PHF14: variants seen among roughly 807,000 people sequenced by gnomAD.
The protein encoded by PHF14 is PHD finger protein 14.
A neutral mutation model predicts 117.9 loss-of-function variants in PHF14; 55 were observed. That is an observed-to-expected ratio of 0.47 (90% CI 0.38 to 0.58). The LOEUF is 0.58. Among genes scored for constraint, PHF14 ranks in the 20% least tolerant of loss-of-function variants. PHF14 has a pLI of 0.00. For missense variants in PHF14, 978 were observed against 1,122.2 expected, an observed-to-expected ratio of 0.87 and a Z score of 1.84; for synonymous variants, 409 against 368.6, an observed-to-expected ratio of 1.11 and a Z score of -1.26.
intron 4 of PHF14, among the ~76,000 whole-genome samples, chr7:11,009,163 C>T (rs1182649556): frequency 6.6e-6 from 1 of 151,458 alleles, no homozygotes; most frequent in African/African-American, 2.4e-5. Context: ...TTATATATAC[C>T]GAAATATAAT....
At chr7:11,105,389 C>A (rs1460353806) in intron 16 of PHF14, 7 of 955,832 alleles carry the variant, frequency 7.3e-6, no homozygotes, top group Non-Finnish European at 8.7e-6. Flanking sequence ...TGGTTTTAAA[C>A]AAAGTTACTT....
chr7:11,157,756 A>G (rs1233619772), intron 17 of PHF14, among the ~76,000 whole-genome samples: 1 of 152,228 alleles, frequency 6.6e-6, no homozygotes, highest in Admixed American at 6.5e-5. Context: ...TGACTGTATG[A>G]TTCTACTAGC....
Position 11,078,517 on chromosome 7 carries a change from T to G in PHF14, c.2654+16432T>G, listed in dbSNP as rs535779314. Among the ~76,000 whole-genome samples the G allele has an allele frequency of 8.5e-4, 130 of 152,290 alleles. 4 individuals carry two copies. The South Asian group carries it at 0.026, about 30-fold the overall frequency. ...TTCATAGAATGAGCAATGCATTAGA[T>G]TGATTTAAAAATCCCTTTTAATTTT... On this transcript the variant is annotated intron_variant, in intron 16 of 17. Transcript: ENST00000634607.
At chr7:11,003,946 A>G (rs113572603) in intron 4 of PHF14, among the ~76,000 whole-genome samples, 20 of 152,228 alleles carry the variant, frequency 1.3e-4, no homozygotes, top group African/African-American at 4.6e-4. Context: ...CAGTAGAAAT[A>G]AGCTAAGAAA....
intron 16 of PHF14, among the ~76,000 whole-genome samples, chr7:11,088,695 G>A (rs1786518639): frequency 1.3e-5 from 2 of 151,960 alleles, no homozygotes; most frequent in East Asian, 3.9e-4. Context: ...AATATAAAAA[G>A]ACATTTATAG....
intron 4 of PHF14, among the ~76,000 whole-genome samples, chr7:10,993,166 G>C (rs1377903032): frequency 6.6e-6 from 1 of 151,600 alleles, no homozygotes; most frequent in African/African-American, 2.4e-5. Flanking sequence ...TGGTTGAGAG[G>C]GTGTCTTTCT....
chr7:11,102,303 A>T (rs1413996203), intron 16 of PHF14, among the ~76,000 whole-genome samples: 1 of 151,846 alleles, frequency 6.6e-6, no homozygotes, highest in Non-Finnish European at 1.5e-5. Flanking sequence ...AAAATAGTTC[A>T]ATTTTAACCA....
Position 10,974,168 on chromosome 7 carries a change from A to G in PHF14, c.-156A>G. The G allele has an allele frequency of 3.1e-6, 2 of 642,258 alleles. No individual in the cohort carries two copies. Among genetic ancestry groups the G allele is most frequent in the Non-Finnish European group, 5.6e-6 (2 of 358,262 alleles). 39.8% of individuals were successfully genotyped at this position (642,258 alleles called of 1,614,324 possible). ...CGGGGGGTTAGGGGACCGCGGGGCT[A>G]CTCTTGGGAGCGCCCCTGTCCGGCT... is the stretch of plus-strand genomic sequence containing the variant. On this transcript the variant is annotated 5_prime_UTR_variant, in exon 1 of 18. Coordinates refer to ENST00000634607, the MANE Select transcript of PHF14 (RefSeq NM_001007157.2).
intron 16 of PHF14, chr7:11,104,263 C>T (rs1787183511): frequency 1.9e-5 from 19 of 984,482 alleles, no homozygotes; most frequent in Non-Finnish European, 2.3e-5. Context: ...ACATTTGGTG[C>T]TAGTCCTAAG....
intron 16 of PHF14, among the ~76,000 whole-genome samples, chr7:11,078,754 G>T (rs1785963534): frequency 6.6e-6 from 1 of 151,872 alleles, no homozygotes; most frequent in African/African-American, 2.4e-5. Flanking sequence ...AAAAACATGG[G>T]AATTAATTAT....
At chr7:11,053,185 C>T (rs1333861103) in intron 14 of PHF14, among the ~76,000 whole-genome samples, 7 of 151,986 alleles carry the variant, frequency 4.6e-5, no homozygotes, top group African/African-American at 1.7e-4. Flanking sequence ...TCTCAAAAAA[C>T]ATTTTCTTAA....
chr7:10,990,545 C>T (rs1354442907), intron 3 of PHF14, among the ~76,000 whole-genome samples, 158 bp from the exon 4 acceptor site: 1 of 151,878 alleles, frequency 6.6e-6, no homozygotes, highest in Non-Finnish European at 1.5e-5. Context: ...ATATATTTCT[C>T]AAATATAATG....
At chr7:11,017,614 C>T (rs1783577544) in intron 5 of PHF14, among the ~76,000 whole-genome samples, 1 of 151,756 alleles carries the variant, frequency 6.6e-6, no homozygotes, top group Non-Finnish European at 1.5e-5. Context: ...AGATTTTTTC[C>T]TGTGGAGTTA....
intron 12 of PHF14, 107 bp downstream of exon 12, chr7:11,040,882 C>T (rs1363957118): frequency 1.9e-6 from 1 of 519,734 alleles, no homozygotes; most frequent in Non-Finnish European, 3.3e-6. Context: ...TATGTCCATA[C>T]CAGAATTTAA....
At chr7:11,132,759 A>G (rs1436682988) in intron 17 of PHF14, among the ~76,000 whole-genome samples, 1 of 151,718 alleles carries the variant, frequency 6.6e-6, no homozygotes, top group Non-Finnish European at 1.5e-5. Context: ...CCCCTCACCA[A>G]CATTTGTTAT....
Position 10,983,050 on chromosome 7 carries a change from G to T in PHF14, c.791G>T (p.Ser264Ile). 6.3e-7 allele frequency: 1 copy of T among 1,595,784 alleles called. No homozygotes were observed. The highest frequency in any genetic ancestry group is 2.2e-5 in the East Asian group (1 of 44,752). The change falls in exon 3 of 18, where the codon AGT becomes ATT. Residue 264 changes from serine to isoleucine, a missense_variant. Transcript: ENST00000634607. Reference sequence around the variant, plus strand: ...GATGAAGATCATAGTAGCCCTGCCAGTGAAGGGGGTTGCAAGAAGAAGAAG... The same window carrying T: ...GATGAAGATCATAGTAGCCCTGCCATTGAAGGGGGTTGCAAGAAGAAGAAG... ...GNDEDHSSPA[S>I]EGGCKKKKSK...
At chr7:11,021,252 C>CAT (rs767519963) in intron 5 of PHF14, among the ~76,000 whole-genome samples, 3 of 152,048 alleles carry the variant, frequency 2.0e-5, no homozygotes, top group Non-Finnish European at 4.4e-5. Flanking sequence ...CAGCATCTGT[C>CAT]ATAATAGCTC....
chr7:11,080,084 T>A (rs1195879302), intron 16 of PHF14, among the ~76,000 whole-genome samples: 1 of 152,146 alleles, frequency 6.6e-6, no homozygotes, highest in African/African-American at 2.4e-5. Context: ...ATAAAGTTAT[T>A]CCACGTAAAA....
intron 17 of PHF14, among the ~76,000 whole-genome samples, chr7:11,122,352 T>TATATATACACAC: frequency 1.7e-4 from 11 of 65,874 alleles, no homozygotes; most frequent in African/African-American, 7.3e-4. Flanking sequence ...TATATATATA[T>TATATATACACAC]ACACACACAC....
Sources: gnomAD v4.1 joint callset for allele counts (sites outside exome capture counted in the v4.1 genomes callset) on GRCh38, gnomAD v4.1.1 for gene constraint, MANE v1.5 for transcripts, NCBI Gene and HGNC (gene_info 2026-07-23, HGNC 2026-07-21) for gene names.